CNTNAP5: variants seen among roughly 807,000 people sequenced by gnomAD.
The protein encoded by CNTNAP5 is contactin-associated protein-like 5.
CNTNAP5 carries 72 observed loss-of-function variants against 150.2 expected under a neutral mutation model. The ratio of observed to expected loss-of-function variants is 0.48; its 90% CI spans 0.40 to 0.58. The LOEUF (loss-of-function observed/expected upper bound fraction) is 0.58. CNTNAP5 is among the 20% of genes least tolerant of loss of function. The pLI is 0.00. For synonymous variants in CNTNAP5, 672 were observed against 619.8 expected, an observed-to-expected ratio of 1.08 and a Z score of -1.25; for missense variants, 1,636 against 1,626.2, an observed-to-expected ratio of 1.01 and a Z score of -0.10.
chr2:124,825,890 G>A (rs1682582577), intron 19 of CNTNAP5, among the ~76,000 whole-genome samples: 1 of 152,118 alleles, frequency 6.6e-6, no homozygotes. Context: ...AGCACCCATA[G>A]CTTGTATTAG....
chr2:124,096,999 C>T (rs1008339855), intron 1 of CNTNAP5, among the ~76,000 whole-genome samples: 3 of 151,904 alleles, frequency 2.0e-5, no homozygotes, highest in Non-Finnish European at 2.9e-5. Flanking sequence ...CCAGTGTGTC[C>T]GGCCCCAAAT....
intron 1 of CNTNAP5, among the ~76,000 whole-genome samples, chr2:124,069,484 C>A (rs1040191902): frequency 1.3e-5 from 2 of 152,064 alleles, no homozygotes; most frequent in African/African-American, 4.8e-5. Context: ...TCCCTAGGGA[C>A]TTGAATAAAC....
At chr2:124,507,054 C>T (rs1391121946) in intron 8 of CNTNAP5, among the ~76,000 whole-genome samples, 1 of 152,108 alleles carries the variant, frequency 6.6e-6, no homozygotes, top group Admixed American at 6.6e-5. Context: ...TACATGCACA[C>T]AGGAGTCACA....
chr2:124,063,336 G>A (rs767589595), intron 1 of CNTNAP5, among the ~76,000 whole-genome samples: 1 of 152,006 alleles, frequency 6.6e-6, no homozygotes, highest in Non-Finnish European at 1.5e-5. Flanking sequence ...ATAGTTCTAC[G>A]TGCCACTTTC....
intron 1 of CNTNAP5, among the ~76,000 whole-genome samples, chr2:124,181,059 G>C (rs1384415800): frequency 1.3e-5 from 2 of 151,980 alleles, no homozygotes; most frequent in Non-Finnish European, 2.9e-5. Context: ...ATTCTAGCCA[G>C]TCAACTCATT....
chr2:124,419,912 C>A (rs1456268422), intron 4 of CNTNAP5, among the ~76,000 whole-genome samples: 1 of 119,930 alleles, frequency 8.3e-6, no homozygotes, highest in African/African-American at 3.6e-5. Context: ...TTCTTTCTTT[C>A]TTTCTTTCTT....
At chr2:124,317,485 C>G (rs900793969) in intron 3 of CNTNAP5, among the ~76,000 whole-genome samples, 4 of 152,122 alleles carry the variant, frequency 2.6e-5, no homozygotes, top group Admixed American at 2.6e-4. Flanking sequence ...GCCTGCCCAT[C>G]TAGGCCCTGT....
Position 124,209,251 on chromosome 2 carries a change from G to A in CNTNAP5, c.83-12454G>A, listed in dbSNP as rs201769632. 5.9e-5 allele frequency among the ~76,000 whole-genome samples: 9 copies of A among 152,200 alleles called. No individual in the cohort carries two copies. The East Asian group carries it at 1.7e-3, about 29-fold the overall frequency. ...ACTTCTTTACTTGCAAAATGAGAGG[G>A]TGTTGGAGGCTGGAACAAGTAAGTC... is the stretch of plus-strand genomic sequence containing the variant. On this transcript the variant is annotated intron_variant, in intron 1 of 23. Transcript: ENST00000682447.
chr2:124,577,016 G>A (rs1028354554), intron 11 of CNTNAP5, among the ~76,000 whole-genome samples: 10 of 152,152 alleles, frequency 6.6e-5, no homozygotes, highest in African/African-American at 2.4e-4. Context: ...TCTTCAAATC[G>A]ATGCTCTAGA....
intron 16 of CNTNAP5, among the ~76,000 whole-genome samples, chr2:124,764,895 G>A (rs1681034642): frequency 2.0e-5 from 3 of 152,026 alleles, no homozygotes; most frequent in Admixed American, 2.0e-4. Context: ...ATATTGCTCT[G>A]TTGCGATCAT....
chr2:124,170,305 A>G (rs1253733911), intron 1 of CNTNAP5, among the ~76,000 whole-genome samples: 2 of 151,716 alleles, frequency 1.3e-5, no homozygotes, highest in African/African-American at 4.8e-5. Flanking sequence ...TGCTTCAGTC[A>G]CTGACATAAC....
chr2:124,257,341 G>A (rs1687338722), intron 3 of CNTNAP5, among the ~76,000 whole-genome samples: 3 of 152,186 alleles, frequency 2.0e-5, no homozygotes, highest in African/African-American at 7.2e-5. Flanking sequence ...ACCATGCACT[G>A]AACACAGCAG....
In CNTNAP5 at chr2:124,025,666, C is replaced by A. The variant is rs775432842; in HGVS notation, c.16C>A (p.Arg6=). The A allele has an allele frequency of 3.1e-6, 5 of 1,613,806 alleles. No homozygotes were observed. The highest frequency in any genetic ancestry group is 4.2e-6 in the Non-Finnish European group (5 of 1,179,848). MDSLP[R]LTSVLTLLFS... ...CTCGGGGGAAATGGATTCTTTACCA[C>A]GGCTGACCAGCGTTTTGACTTTGCT... Residue 6 remains arginine (R), a synonymous_variant, in exon 1 of 24, where the codon CGG becomes AGG. Coordinates refer to ENST00000682447, the MANE Select transcript of CNTNAP5 (RefSeq NM_001367498.1).
chr2:124,811,102 A>C (rs1439392072), intron 19 of CNTNAP5, among the ~76,000 whole-genome samples: 5 of 143,666 alleles, frequency 3.5e-5, no homozygotes. Context: ...AAGGACTTTG[A>C]AAACCAACCT....
intron 10 of CNTNAP5, among the ~76,000 whole-genome samples, chr2:124,533,178 G>A (rs560735953): frequency 7.2e-5 from 11 of 152,186 alleles, no homozygotes; most frequent in African/African-American, 2.2e-4. Context: ...TAAAGCATTA[G>A]TCTCAAGATC....
chr2:124,071,693 A>C (rs1225080340), intron 1 of CNTNAP5, among the ~76,000 whole-genome samples: 1 of 151,996 alleles, frequency 6.6e-6, no homozygotes, highest in East Asian at 1.9e-4. Flanking sequence ...TGAACAGACC[A>C]ATAACAAGTA....
intron 8 of CNTNAP5, among the ~76,000 whole-genome samples, chr2:124,519,660 T>C (rs1229360875): frequency 6.6e-6 from 1 of 152,246 alleles, no homozygotes; most frequent in East Asian, 1.9e-4. Context: ...AATTACATTA[T>C]TTAAAGTGCC....
chr2:124,821,668 A>G (rs1001227040), intron 19 of CNTNAP5, among the ~76,000 whole-genome samples: 6 of 152,110 alleles, frequency 3.9e-5, no homozygotes, highest in East Asian at 1.9e-4. Context: ...TGTAACTTTA[A>G]CAGCTCCACT....
At chr2:124,224,316 G>A (rs1686403878) in intron 2 of CNTNAP5, among the ~76,000 whole-genome samples, 1 of 152,068 alleles carries the variant, frequency 6.6e-6, no homozygotes, top group Non-Finnish European at 1.5e-5. Context: ...GGCACAAACA[G>A]TATTCATAAA....
Sources: gnomAD v4.1 joint callset for allele counts (sites outside exome capture counted in the v4.1 genomes callset) on GRCh38, gnomAD v4.1.1 for gene constraint, MANE v1.5 for transcripts, NCBI Gene and HGNC (gene_info 2026-07-23, HGNC 2026-07-21) for gene names.